The following KCNMA1 variants were observed in gnomAD, a reference collection of about 807,000 sequenced individuals.
KCNMA1 encodes Calcium-activated potassium channel subunit alpha-1.
Under a neutral mutation model 140.0 loss-of-function variants are expected in KCNMA1, and 29 were observed. The observed-to-expected ratio is 0.21, with a 90% CI of 0.15 to 0.28. KCNMA1 has a LOEUF of 0.28. KCNMA1 is among the 10% of genes least tolerant of loss of function. The pLI, the probability that KCNMA1 is intolerant of heterozygous loss-of-function variation, is 1.00. For missense variants in KCNMA1, 880 were observed against 1,602.2 expected, an observed-to-expected ratio of 0.55 and a Z score of 7.70; for synonymous variants, 612 against 611.9, an observed-to-expected ratio of 1.00 and a Z score of 0.00.
In KCNMA1 at chr10:77,079,470, C is replaced by A. The variant is rs199674898; in HGVS notation, c.1593+11G>T. The A allele has an allele frequency of 1.2e-6, 2 of 1,600,406 alleles. No individual in the cohort carries two copies. The highest frequency in any genetic ancestry group is 1.7e-6 in the Non-Finnish European group (2 of 1,167,874). On this transcript the variant is annotated intron_variant, in intron 13 of 27. Coordinates refer to ENST00000286628, the MANE Select transcript of KCNMA1 (RefSeq NM_001161352.2). Reference sequence around the variant, plus strand: ...GGTCTTCAGACCTGGAGCGGGCTCTCGCACTCCTACCTTGTTGTGATACTG... The same window carrying A: ...GGTCTTCAGACCTGGAGCGGGCTCTAGCACTCCTACCTTGTTGTGATACTG...
At chr10:76,881,637 G>C (rs2034703115), downstream of KCNMA1, among the ~76,000 whole-genome samples, 1 of 152,156 alleles carries the variant, frequency 6.6e-6, no homozygotes, top group African/African-American at 2.4e-5. Flanking sequence ...TTTAGAGTAA[G>C]TTTAGTACTA....
intron 16 of KCNMA1, among the ~76,000 whole-genome samples, chr10:77,025,264 A>ATATATATAT (rs2093328375): frequency 4.7e-5 from 6 of 128,846 alleles, no homozygotes; most frequent in Non-Finnish European, 9.9e-5. Flanking sequence ...ATATATATAT[A>ATATATATAT]TATATATATA....
At chr10:77,318,752 G>C (rs1286946279) in intron 2 of KCNMA1, among the ~76,000 whole-genome samples, 1 of 152,050 alleles carries the variant, frequency 6.6e-6, no homozygotes, top group Non-Finnish European at 1.5e-5. Context: ...ATTCACCAAG[G>C]GCCAAATGTC....
intron 21 of KCNMA1, 187 bp from the exon 22 acceptor site, chr10:76,949,553 GTAT>G: frequency 3.2e-6 from 2 of 623,744 alleles, no homozygotes. Flanking sequence ...ACGTGTATAT[GTAT>G]TATATTTTTG....
chr10:77,006,050 G>A (rs1157287672), intron 18 of KCNMA1, among the ~76,000 whole-genome samples: 1 of 152,136 alleles, frequency 6.6e-6, no homozygotes, highest in Non-Finnish European at 1.5e-5. Flanking sequence ...TGGCCTTTCT[G>A]AGCCAAGCCT....
chr10:77,183,245 G>T (rs1027563941), intron 5 of KCNMA1, among the ~76,000 whole-genome samples, 176 bp downstream of exon 5: 1 of 152,102 alleles, frequency 6.6e-6, no homozygotes, highest in African/African-American at 2.4e-5. Context: ...AACCCTTTGG[G>T]GCTAGTGCTC....
At chr10:77,264,501 G>A (rs2062875294) in intron 2 of KCNMA1, among the ~76,000 whole-genome samples, 1 of 152,170 alleles carries the variant, frequency 6.6e-6, no homozygotes, top group South Asian at 2.1e-4. Context: ...TGTGTATGAT[G>A]TTCGAGTATG....
chr10:76,959,184 TG>T lies in KCNMA1; in HGVS notation c.2361-5261del, dbSNP rs1266246930. On this transcript the variant is annotated intron_variant, in intron 20 of 27. Coordinates refer to ENST00000286628, the MANE Select transcript of KCNMA1 (RefSeq NM_001161352.2). ...TCCGTCTTTAACTTAGACATGCATT[TG>T]AGGATCAATGCCAATGAAAGCCCAG... Among the ~76,000 whole-genome samples, 10 of 152,278 alleles carry T rather than the reference TG, an allele frequency of 6.6e-5. No individual in the cohort carries two copies. The East Asian group carries it at 1.9e-3, about 30-fold the overall frequency.
intron 1 of KCNMA1, among the ~76,000 whole-genome samples, chr10:77,601,825 A>G (rs1050071475): frequency 6.6e-6 from 1 of 152,214 alleles, no homozygotes; most frequent in African/African-American, 2.4e-5. Flanking sequence ...TAGCTAAGCC[A>G]AGGATACAGC....
intron 14 of KCNMA1, among the ~76,000 whole-genome samples, chr10:77,066,075 A>C (rs1165197371): frequency 7.2e-5 from 11 of 152,238 alleles, no homozygotes; most frequent in African/African-American, 2.7e-4. Flanking sequence ...GACTTTATTC[A>C]GATGAGATGG....
intron 2 of KCNMA1, among the ~76,000 whole-genome samples, chr10:77,391,033 G>A (rs2095801889): frequency 6.6e-6 from 1 of 152,140 alleles, no homozygotes; most frequent in South Asian, 2.1e-4. Context: ...AGAAAAATGG[G>A]AAAAAGGTCA....
chr10:77,422,448 G>C (rs1012520937), intron 1 of KCNMA1, among the ~76,000 whole-genome samples: 1 of 152,208 alleles, frequency 6.6e-6, no homozygotes, highest in African/African-American at 2.4e-5. Flanking sequence ...GCTGGAGTTT[G>C]CTCCTCCATC....
chr10:77,015,614 T>G (rs2153467142), intron 17 of KCNMA1, among the ~76,000 whole-genome samples: 1 of 152,268 alleles, frequency 6.6e-6, no homozygotes, highest in South Asian at 2.1e-4. Context: ...TATCACTGTG[T>G]GTATGTTTAG....
At chr10:77,635,104 GGCTACAAAACATA>G (rs1261439697) in intron 1 of KCNMA1, 3 of 152,058 alleles carry the variant, frequency 2.0e-5, no homozygotes, top group African/African-American at 7.2e-5. Context: ...CAGGTCTTGG[GGCTACAAAACATA>G]GCCAAATATT....
chr10:77,016,829 CA>C (rs2092130934), intron 17 of KCNMA1, among the ~76,000 whole-genome samples: 1 of 152,190 alleles, frequency 6.6e-6, no homozygotes, highest in Admixed American at 6.5e-5. Flanking sequence ...AAGGTTTCTA[CA>C]AGCTAGAATT....
chr10:77,016,359 C>T (rs566515161), intron 17 of KCNMA1, among the ~76,000 whole-genome samples: 8 of 152,244 alleles, frequency 5.3e-5, no homozygotes, highest in African/African-American at 1.7e-4. Flanking sequence ...AGAATATGAG[C>T]CCCACGAGAG....
chr10:77,347,730 C>G (rs145393277), intron 2 of KCNMA1, among the ~76,000 whole-genome samples: 1 of 152,282 alleles, frequency 6.6e-6, no homozygotes, highest in East Asian at 1.9e-4. Flanking sequence ...ACCCCATGCT[C>G]TATGACATGA....
At chr10:77,395,264 C>T (rs1392616637) in intron 2 of KCNMA1, among the ~76,000 whole-genome samples, 2 of 151,958 alleles carry the variant, frequency 1.3e-5, no homozygotes, top group African/African-American at 2.4e-5. Flanking sequence ...GCAGAAGGAT[C>T]GCTTGAACCC....
chr10:77,191,981 G>T (rs1005941266), intron 3 of KCNMA1, among the ~76,000 whole-genome samples: 2 of 152,098 alleles, frequency 1.3e-5, no homozygotes, highest in African/African-American at 2.4e-5. Flanking sequence ...ATTCCATGTT[G>T]AAATGAATTG....
Sources: gnomAD v4.1 joint callset for allele counts (sites outside exome capture counted in the v4.1 genomes callset) on GRCh38, gnomAD v4.1.1 for gene constraint, MANE v1.5 for transcripts, NCBI Gene and HGNC (gene_info 2026-07-23, HGNC 2026-07-21) for gene names.